The following SNX10 variants were observed in gnomAD, a reference collection of about 807,000 sequenced individuals.
SNX10 encodes sorting nexin 10, also known as sorting nexin-10.
Under a neutral mutation model 28.5 loss-of-function variants are expected in SNX10, and 25 were observed. The observed-to-expected ratio is 0.88, with a 90% CI of 0.64 to 1.22. SNX10 has a LOEUF of 1.22. Ranked by LOEUF, SNX10 falls within the 50% of genes most tolerant of loss-of-function variation. SNX10 has a pLI of 0.00. For synonymous variants in SNX10, 62 were observed against 81.4 expected (o/e 0.76, Z 1.28); for missense variants, 223 against 242.6 (o/e 0.92, Z 0.54).
chr7:26,330,332 C>G (rs1014107074), intron 1 of SNX10, among the ~76,000 whole-genome samples: 4 of 152,030 alleles, frequency 2.6e-5, no homozygotes, highest in African/African-American at 9.7e-5. Context: ...GGTCACATTC[C>G]TAGGTTCTAG....
At chr7:26,307,500 T>C (rs1486427816) in intron 1 of SNX10, among the ~76,000 whole-genome samples, 1 of 152,104 alleles carries the variant, frequency 6.6e-6, no homozygotes, top group Non-Finnish European at 1.5e-5. Context: ...CAGACTGGAG[T>C]GTAGTGGCAC....
At chr7:26,307,798 C>T (rs1449679692) in intron 1 of SNX10, among the ~76,000 whole-genome samples, 13 of 152,072 alleles carry the variant, frequency 8.5e-5, no homozygotes, top group African/African-American at 1.9e-4. Context: ...ACATCAGCAC[C>T]GTGGGGGTAC....
At chr7:26,372,058 T>C in intron 6 of SNX10, 25 bp downstream of exon 6, 1 of 1,445,568 alleles carries the variant, frequency 6.9e-7, no homozygotes, top group East Asian at 2.3e-5. Flanking sequence ...TTTGATTTAA[T>C]GTATATGTAT....
At chr7:26,366,762 C>T (rs1789305097) in intron 5 of SNX10, among the ~76,000 whole-genome samples, 1 of 152,186 alleles carries the variant, frequency 6.6e-6, no homozygotes, top group Non-Finnish European at 1.5e-5. Context: ...AATTATATTG[C>T]TGGTTAAGTG....
chr7:26,335,506 GAT>G (rs1479988723), intron 1 of SNX10, among the ~76,000 whole-genome samples: 1 of 152,064 alleles, frequency 6.6e-6, no homozygotes, highest in Non-Finnish European at 1.5e-5. Context: ...ATCCATCCCT[GAT>G]CCTCCCTACT....
intron 1 of SNX10, among the ~76,000 whole-genome samples, chr7:26,315,062 C>A (rs1584106311): frequency 6.6e-6 from 1 of 151,874 alleles, no homozygotes; most frequent in South Asian, 2.1e-4. Flanking sequence ...GAAAAAGAAT[C>A]AAAATAGAAG....
At position 26,364,692 on chromosome 7, in the gene SNX10, T is replaced by G; in HGVS notation, c.212+57T>G. 8.0e-7 allele frequency: 1 copy of G among 1,255,374 alleles called. No homozygotes were observed. Among genetic ancestry groups the G allele is most frequent in the Non-Finnish European group, 1.1e-6 (1 of 878,128 alleles). 77.8% of individuals were successfully genotyped at this position (1,255,374 alleles called of 1,614,324 possible). ...TGTCATTATATTCAGTATTTAAAAT[T>G]GACGTTCATTAAGATATATAAGATA... is the stretch of plus-strand genomic sequence containing the variant. On this transcript the variant is annotated intron_variant, in intron 4 of 6. Coordinates refer to ENST00000338523, the MANE Select transcript of SNX10 (RefSeq NM_013322.3). The surrounding 1 kb of genome is among the most constrained non-coding windows in gnomAD (Gnocchi z 4.9).
At chr7:26,360,703 C>T (rs780012410) in intron 2 of SNX10, 140 of 527,990 alleles carry the variant, frequency 2.7e-4, no homozygotes, top group Non-Finnish European at 3.9e-4. Flanking sequence ...TTACAGTATA[C>T]TTTGTCTTCA....
chr7:26,338,961 C>T (rs1211956995), intron 1 of SNX10, among the ~76,000 whole-genome samples: 1 of 152,166 alleles, frequency 6.6e-6, no homozygotes, highest in Non-Finnish European at 1.5e-5. Context: ...ATGTTATCCC[C>T]AGGAGCAATT....
intron 3 of SNX10, among the ~76,000 whole-genome samples, chr7:26,361,929 C>A (rs1385785495): frequency 6.6e-6 from 1 of 152,202 alleles, no homozygotes; most frequent in African/African-American, 2.4e-5. Context: ...ATTAGTTCAA[C>A]TGGGGAGCAT....
intron 1 of SNX10, among the ~76,000 whole-genome samples, chr7:26,335,114 C>A (rs932274530): frequency 3.3e-5 from 5 of 152,210 alleles, no homozygotes; most frequent in Non-Finnish European, 7.3e-5. Flanking sequence ...AGATGCTGGA[C>A]ACGGAAGCCA....
rs766045861 is a variant in SNX10, at chr7:26,364,650, G to A, written c.212+15G>A. On this transcript the variant is annotated intron_variant, in intron 4 of 6. Coordinates refer to ENST00000338523, the MANE Select transcript of SNX10 (RefSeq NM_013322.3). This position sits in a 1 kb window ranked among gnomAD's most constrained non-coding sequence, Gnocchi z 4.9. The stretch of plus-strand genomic sequence containing the variant: ...GCGTTGCTGGTGTAAGTGATTTAGA[G>A]TATACTGTGGAGACTTTGTCATTAT... 1 of 1,562,550 alleles carries A rather than the reference G, an allele frequency of 6.4e-7. No individual in the cohort carries two copies. Among genetic ancestry groups the A allele is most frequent in the East Asian group, 2.2e-5 (1 of 44,580 alleles).
chr7:26,321,899 C>G (rs1274109884), intron 1 of SNX10, among the ~76,000 whole-genome samples: 2 of 152,142 alleles, frequency 1.3e-5, no homozygotes, highest in African/African-American at 2.4e-5. Context: ...GCACATGCCA[C>G]TGTGCCTGGC....
intron 1 of SNX10, among the ~76,000 whole-genome samples, chr7:26,338,969 A>G (rs898438089): frequency 1.8e-4 from 28 of 152,158 alleles, no homozygotes; most frequent in African/African-American, 5.6e-4. Flanking sequence ...CCCAGGAGCA[A>G]TTTAGGAAGG....
rs141037310 is a variant in SNX10 at position 26,365,068 on chromosome 7, T to C, written c.234T>C (p.Ser78=). 8.5e-5 allele frequency: 137 copies of C among 1,611,004 alleles called. 1 individual carries two copies. The highest frequency in any genetic ancestry group is 3.3e-4 in the Middle Eastern group (2 of 6,052). ...ALLVQLPELP[S]KNLFFNMNNR... is the part of the protein sequence containing the mutation. ...TAAGACAACTGCCAGAACTTCCATC[T>C]AAAAACCTGTTTTTCAACATGAACA... Residue 78 remains serine, a synonymous_variant, in exon 5 of 7, where the codon TCT becomes TCC. Coordinates refer to ENST00000338523, the MANE Select transcript of SNX10 (RefSeq NM_013322.3).
chr7:26,315,642 C>T (rs548177528), intron 1 of SNX10, among the ~76,000 whole-genome samples: 1 of 151,228 alleles, frequency 6.6e-6, no homozygotes, highest in East Asian at 1.9e-4. Context: ...CACTTCTAGC[C>T]TGGGCGACAG....
intron 2 of SNX10, chr7:26,360,719 C>A (rs1789031875): frequency 1.5e-6 from 1 of 665,202 alleles, no homozygotes. Context: ...CTTCAGATAA[C>A]CAGTAAAACT....
At chr7:26,367,867 T>C (rs1789357579) in intron 5 of SNX10, among the ~76,000 whole-genome samples, 1 of 152,252 alleles carries the variant, frequency 6.6e-6, no homozygotes. Context: ...AACATGCTTG[T>C]ATTGTAGGTT....
At chr7:26,317,146 C>G (rs1246510562) in intron 1 of SNX10, among the ~76,000 whole-genome samples, 2 of 152,160 alleles carry the variant, frequency 1.3e-5, no homozygotes, top group East Asian at 3.8e-4. Context: ...TATTTTTATT[C>G]TCAGAATAAT....
Sources: allele counts gnomAD v4.1 joint callset (sites outside exome capture counted in the v4.1 genomes callset), GRCh38; gene constraint gnomAD v4.1.1; non-coding constraint Gnocchi (gnomAD v3.1); transcripts MANE v1.5; gene names NCBI Gene and HGNC (gene_info 2026-07-23, HGNC 2026-07-21).